Variants in APOBEC3B observed in about 807,000 individuals in gnomAD.
The protein encoded by APOBEC3B is DNA dC->dU-editing enzyme APOBEC-3B.
Under a neutral mutation model 53.4 loss-of-function variants are expected in APOBEC3B, and 29 were observed. The ratio of observed to expected loss-of-function variants is 0.54; its 90% CI spans 0.40 to 0.74. The LOEUF (loss-of-function observed/expected upper bound fraction) is 0.74. Ranked by LOEUF, APOBEC3B falls within the 30% of genes least tolerant of loss-of-function variation. APOBEC3B has a pLI of 0.00. For missense variants in APOBEC3B, 347 were observed against 496.2 expected (o/e 0.70, Z 2.86); for synonymous variants, 132 against 184.8 (o/e 0.71, Z 2.32).
Position 38,991,631 on chromosome 22 carries a change from G to A in APOBEC3B, c.1018+5G>A. The A allele has an allele frequency of 8.9e-7, 1 of 1,122,528 alleles. No homozygotes were observed. Among genetic ancestry groups the A allele is most frequent in the Non-Finnish European group, 1.3e-6 (1 of 795,636 alleles). 69.5% of individuals were successfully genotyped at this position (1,122,528 alleles called of 1,614,324 possible). On this transcript the variant is annotated splice_donor_5th_base_variant and intron_variant, in intron 6 of 7. Transcript: ENST00000333467. ...TCTCCATCATGACCTACGATGGTAA[G>A]AATGGAAGGTTCAGGTGGGGTGGGG...
Position 38,989,631 on chromosome 22 carries a change from C to A in APOBEC3B, c.723+21C>A, listed in dbSNP as rs567263174. 3.2e-6 allele frequency: 5 copies of A among 1,549,804 alleles called. 1 individual carries two copies. The South Asian group carries it at 5.9e-5, about 18-fold the overall frequency. ...ACGAGGTGACCGACCCAGCCACCTG[C>A]ATCCAGGCAGGGCCCTCCCAATCCA... On this transcript the variant is annotated intron_variant, in intron 5 of 7. Coordinates refer to ENST00000333467, the MANE Select transcript of APOBEC3B (RefSeq NM_004900.5).
At position 38,986,279 on chromosome 22, in the gene APOBEC3B, T is replaced by A. The variant is rs767226537; in HGVS notation, c.455-19T>A. 4 of 1,591,498 alleles carry A rather than the reference T, an allele frequency of 2.5e-6. No homozygotes were observed. The African/African-American group carries it at 5.4e-5, about 21-fold the overall frequency. On this transcript the variant is annotated intron_variant, in intron 3 of 7. Transcript: ENST00000333467. ...AGGGTCAGGGGAGAGCCTGACTGCT[T>A]CCCGCTTCTTCATCTCAGAATTTGC...
At chr22:38,985,144 C>T (rs1269497361) in intron 2 of APOBEC3B, among the ~76,000 whole-genome samples, 3 of 148,490 alleles carry the variant, frequency 2.0e-5, no homozygotes, top group Non-Finnish European at 4.5e-5. Context: ...AGGTGAGTCA[C>T]CTGCCTTGGC....
chr22:38,984,143 G>C lies in APOBEC3B; in HGVS notation c.86G>C (p.Gly29Ala). 1 of 1,591,992 alleles carries C rather than the reference G, an allele frequency of 6.3e-7. No individual in the cohort carries two copies. The highest frequency in any genetic ancestry group is 8.5e-7 in the Non-Finnish European group (1 of 1,171,968). The change falls in exon 2 of 8, where the codon GGT (glycine) becomes GCT (alanine). Residue 29 changes from glycine (G) to alanine (A), a missense_variant. Gly to Ala is a moderately conservative substitution (Grantham distance 60). Coordinates refer to ENST00000333467, the MANE Select transcript of APOBEC3B (RefSeq NM_004900.5). ...DNFENEPILY[G>A]RSYTWLCYEV... ...TTTGAAAACGAACCCATCCTCTATG[G>C]TCGGAGCTACACTTGGCTGTGCTAT...
intron 5 of APOBEC3B, 40 bp downstream of exon 5, chr22:38,989,650 C>T (rs773687245): frequency 5.2e-6 from 8 of 1,525,428 alleles, no homozygotes; most frequent in Admixed American, 3.9e-5. Context: ...AGGGCCCTCC[C>T]AATCCAGGGA....
At chr22:38,990,105 T>TGAGGGGGCCAGGAAAGGCC (rs922542605) in intron 5 of APOBEC3B, among the ~76,000 whole-genome samples, 1 of 148,862 alleles carries the variant, frequency 6.7e-6, no homozygotes, top group Non-Finnish European at 1.5e-5. Context: ...CAGGAAAGGC[T>TGAGGGGGCCAGGAAAGGCC]GAGGGGGCCA....
At chr22:38,987,828 G>A (rs1478224949) in intron 4 of APOBEC3B, among the ~76,000 whole-genome samples, 1 of 148,456 alleles carries the variant, frequency 6.7e-6, no homozygotes, top group Non-Finnish European at 1.5e-5. Context: ...AGGGCACGGT[G>A]GCTTATGCCT....
chr22:38,984,371 C>T (rs573638380), intron 2 of APOBEC3B, 140 bp downstream of exon 2: 1 of 1,101,692 alleles, frequency 9.1e-7, no homozygotes, highest in South Asian at 1.8e-5. Flanking sequence ...GAGCCCTTAA[C>T]AAAGACAGAC....
At chr22:38,983,921 G>A (rs1263742673) in intron 1 of APOBEC3B, among the ~76,000 whole-genome samples, 154 bp from the exon 2 acceptor site, 5 of 148,004 alleles carry the variant, frequency 3.4e-5, no homozygotes, top group African/African-American at 1.2e-4. Flanking sequence ...TCTCCCCTCA[G>A]TCTTCCTGCC....
At position 38,985,923 on chromosome 22, in the gene APOBEC3B, C is replaced by G; in HGVS notation, c.286C>G (p.Pro96Ala). ...GATCACCTGGTTTGTATCCTGGACC[C>G]CCTGCCCGGACTGTGTGGCGAAGCT... ...FQITWFVSWTPCPDCVAKLAE... is the reference protein window; with the variant it reads ...FQITWFVSWTACPDCVAKLAE... Residue 96 changes from proline (P) to alanine (A), a missense_variant, in exon 3 of 8, where the codon CCC becomes GCC. Physicochemically the swap from Pro to Ala is conservative, Grantham distance 27. Around this residue, in one of 5 missense-constraint regions of APOBEC3B, gnomAD observed 20 missense variants for 50.9 expected, o/e 0.39. Transcript: ENST00000333467. 2 of 1,601,648 alleles carry G rather than the reference C, an allele frequency of 1.2e-6. No homozygotes were observed. Among genetic ancestry groups the G allele is most frequent in the Non-Finnish European group, 1.7e-6 (2 of 1,176,614 alleles).
chr22:38,991,993 C>G, intron 6 of APOBEC3B, 41 bp from the exon 7 acceptor site: 5 of 1,525,692 alleles, frequency 3.3e-6, no homozygotes, highest in Non-Finnish European at 4.4e-6. Context: ...TGCCCCCTCC[C>G]CACAACAGGA....
rs141129678 is a variant in APOBEC3B, at chr22:38,988,912, C to A, written c.570-545C>A. On this transcript the variant is annotated intron_variant, in intron 4 of 7. Transcript: ENST00000333467. ...GAGCTGCCCCATCTGGCCTGAGAAG[C>A]ACGTTTGGGAGACCTCATGGCATCC... Among the ~76,000 whole-genome samples the A allele has an allele frequency of 6.8e-3, 993 of 146,216 alleles. 56 individuals carry two copies. Among genetic ancestry groups the A allele is most frequent in the African/African-American group, 0.022 (869 of 40,234 alleles).
At position 38,986,053 on chromosome 22, in the gene APOBEC3B, G is replaced by A. The variant is rs756091691; in HGVS notation, c.416G>A (p.Ser139Asn). 1.3e-6 allele frequency: 2 copies of A among 1,592,694 alleles called. No homozygotes were observed. Among genetic ancestry groups the A allele is most frequent in the Non-Finnish European group, 1.7e-6 (2 of 1,172,598 alleles). Residue 139 changes from serine to asparagine, a missense_variant, in exon 3 of 8, where the codon AGT (serine) becomes AAT (asparagine). Physicochemically the swap from Ser to Asn is conservative, Grantham distance 46 (BLOSUM62 1). This residue lies in a region of APOBEC3B where 156 missense variants were observed against 166.7 expected (regional missense o/e 0.94). Transcript: ENST00000333467. ...TACCGAAGGGCGCTCTGCAGGCTGA[G>A]TCAGGCAGGAGCCCGCGTGACGATC... Reference protein sequence around the residue: ...RDYRRALCRLSQAGARVTIMD... With the variant: ...RDYRRALCRLNQAGARVTIMD...
chr22:38,986,532 A>G lies in APOBEC3B; in HGVS notation c.569+120A>G, dbSNP rs1339324954. On this transcript the variant is annotated intron_variant, in intron 4 of 7. Coordinates refer to ENST00000333467, the MANE Select transcript of APOBEC3B (RefSeq NM_004900.5). Reference sequence around the variant, plus strand: ...ACCCACTGCCTGCCCTCATGGTCACACCACCTTCCCTTAACTCCTGGTGCT... The same window carrying G: ...ACCCACTGCCTGCCCTCATGGTCACGCCACCTTCCCTTAACTCCTGGTGCT... 5 of 1,176,712 alleles carry G rather than the reference A, an allele frequency of 4.2e-6. No individual in the cohort carries two copies. The African/African-American group carries it at 8.5e-5, about 20-fold the overall frequency. The allele number at this position is 1,176,712 out of a possible 1,614,324, so 72.9% of individuals were successfully genotyped here.
Position 38,992,164 on chromosome 22 carries a change from C to T in APOBEC3B, c.1134+15C>T. 3 of 1,590,698 alleles carry T rather than the reference C, an allele frequency of 1.9e-6. No homozygotes were observed. Among genetic ancestry groups the T allele is most frequent in the African/African-American group, 1.3e-5 (1 of 74,342 alleles). On this transcript the variant is annotated intron_variant, in intron 7 of 7. Transcript: ENST00000333467. ...CCATTCTCCAGGTGAGGGCTTCCTC[C>T]CTCTGCCTGGTGCCCCATCGGCCTC...
rs774966499 is a variant in APOBEC3B, at chr22:38,984,097, C to T, written c.40C>T (p.Arg14Ter). The change falls in exon 2 of 8, where the codon CGA becomes TGA. Residue 14 changes from arginine (R) to a stop codon, truncating the protein, a stop_gained. Transcript: ENST00000333467. LOFTEE classifies it high-confidence loss of function. Reference protein sequence around the residue: ...QIRNPMERMYRDTFYDNFENE... With the variant: ...QIRNPMERMY ...CAGAAATCCGATGGAGCGGATGTATCGAGACACATTCTACGACAACTTTGA... is the reference window on the plus strand; with the variant it reads ...CAGAAATCCGATGGAGCGGATGTATTGAGACACATTCTACGACAACTTTGA... 1.0e-4 allele frequency: 161 copies of T among 1,583,674 alleles called. 34 individuals carry two copies. The Admixed American group carries it at 1.3e-3, about 12-fold the overall frequency.
rs532334934 is a variant in APOBEC3B at position 38,991,794 on chromosome 22, C to T, written c.1018+168C>T. Among the ~76,000 whole-genome samples, 33 of 147,892 alleles carry T rather than the reference C, an allele frequency of 2.2e-4. 2 individuals are homozygous for T. The highest frequency in any genetic ancestry group is 6.9e-3 in the Middle Eastern group (2 of 290). ...GAGGCCAGGCCAGGAGATATGGGCC[C>T]GGGGAGGGTGGCTGGAAGTGGAAGC... On this transcript the variant is annotated intron_variant, in intron 6 of 7. Transcript: ENST00000333467.
rs1011738660 is a variant in APOBEC3B at position 38,982,481 on chromosome 22, C to A, written c.17+11C>A. 1.9e-6 allele frequency: 3 copies of A among 1,593,424 alleles called. No homozygotes were observed. Among genetic ancestry groups the A allele is most frequent in the Non-Finnish European group, 2.6e-6 (3 of 1,172,564 alleles). On this transcript the variant is annotated intron_variant, in intron 1 of 7. Coordinates refer to ENST00000333467, the MANE Select transcript of APOBEC3B (RefSeq NM_004900.5). ...GAATCCACAGATCAGGTACCGCTGC[C>A]CACTCTGCCTGCTGGGCCCCTCCTG...
chr22:38,982,727 G>C (rs867488291), intron 1 of APOBEC3B, among the ~76,000 whole-genome samples: 3 of 148,416 alleles, frequency 2.0e-5, no homozygotes, highest in African/African-American at 7.4e-5. Context: ...AGTCATGCCC[G>C]GACTGGTGCT....
Sources: gnomAD v4.1 joint callset for allele counts (sites outside exome capture counted in the v4.1 genomes callset) on GRCh38, gnomAD v4.1.1 for gene constraint, gnomAD v4.1.1 regional missense constraint, MANE v1.5 for transcripts, NCBI Gene and HGNC (gene_info 2026-07-23, HGNC 2026-07-21) for gene names.